The following ACTA2 variants were observed in gnomAD, a reference collection of about 807,000 sequenced individuals.
ACTA2 encodes the protein actin alpha 2, smooth muscle, also known as actin, aortic smooth muscle.
In ACTA2, 12 loss-of-function variants were observed where a neutral mutation model predicts 39.5. That is an observed-to-expected ratio of 0.30 (90% CI 0.19 to 0.49). The LOEUF is 0.49. Ranked by LOEUF, ACTA2 falls within the 20% of genes least tolerant of loss-of-function variation. The probability of loss-of-function intolerance (pLI) is 0.99; values close to 1 mark genes in which losing one functional copy is unlikely to be tolerated. For missense variants in ACTA2, 236 were observed against 498.8 expected (o/e 0.47, Z 5.02); for synonymous variants, 158 against 180.6 (o/e 0.88, Z 1.00).
intron 8 of ACTA2, 59 bp downstream of exon 8, chr10:88,938,002 G>A: frequency 6.3e-7 from 1 of 1,593,984 alleles, no homozygotes; most frequent in South Asian, 1.1e-5. Flanking sequence ...GTTCTTATCT[G>A]TGGTTATAGG....
At chr10:88,968,278 T>C (rs1043493511) in intron 1 of ACTA2, among the ~76,000 whole-genome samples, 9 of 152,346 alleles carry the variant, frequency 5.9e-5, no homozygotes, top group Admixed American at 2.6e-4. Context: ...GTCCTATCTA[T>C]GCATTTAATG....
chr10:88,968,665 G>A (rs1337292969), intron 1 of ACTA2, among the ~76,000 whole-genome samples: 1 of 152,146 alleles, frequency 6.6e-6, no homozygotes, highest in Admixed American at 6.6e-5. Flanking sequence ...GACTTTATAA[G>A]GGAAGGCAGC....
At chr10:88,970,604 A>T (rs1219597983) in intron 1 of ACTA2, among the ~76,000 whole-genome samples, 1 of 152,218 alleles carries the variant, frequency 6.6e-6, no homozygotes, top group Non-Finnish European at 1.5e-5. Flanking sequence ...CAGTTGGCAC[A>T]GCATTAGAAT....
chr10:88,988,947 C>G (rs570478084), intron 1 of ACTA2, among the ~76,000 whole-genome samples: 1 of 152,292 alleles, frequency 6.6e-6, no homozygotes, highest in East Asian at 1.9e-4. Flanking sequence ...TTCCTATCTC[C>G]TTGAACTTGA....
chr10:88,956,453 T>C (rs1846140349), upstream of ACTA2, among the ~76,000 whole-genome samples: 3 of 152,204 alleles, frequency 2.0e-5, no homozygotes, highest in Non-Finnish European at 4.4e-5. Flanking sequence ...CGTGAATATA[T>C]TGGGCTCTAA....
chr10:88,939,527 AG>A lies in ACTA2; in HGVS notation c.787del (p.Leu263CysfsTer23). On this transcript the variant is annotated frameshift_variant, in exon 7 of 9. Coordinates refer to ENST00000224784, the MANE Select transcript of ACTA2 (RefSeq NM_001613.4). LOFTEE classifies it high-confidence loss of function. Reference sequence around the variant, plus strand: ...CCTACCGATGAAGGATGGCTGGAACAGGGTCTCTGGGCAGCGGAAACGTTCA... The same window carrying A: ...CCTACCGATGAAGGATGGCTGGAACAGGTCTCTGGGCAGCGGAAACGTTCA... The part of the protein sequence containing the change: ...GNERFRCPET[L>X]FQPSFIGMES... 1 of 1,613,646 alleles carries A rather than the reference AG, an allele frequency of 6.2e-7. No homozygotes were observed. The highest frequency in any genetic ancestry group is 8.5e-7 in the Non-Finnish European group (1 of 1,179,964).
rs1847139712 is a variant in ACTA2 at position 88,990,915 on chromosome 10, T to G, written c.-24+24A>C. ...GGACCCTCCTACCTCTGGTGAGCCCTCTCCTGCCCGGGTGGAGGCTTACCC... is the reference window on the plus strand; with the variant it reads ...GGACCCTCCTACCTCTGGTGAGCCCGCTCCTGCCCGGGTGGAGGCTTACCC... On this transcript the variant is annotated intron_variant, in intron 1 of 4. Coordinates refer to the ACTA2 transcript ENST00000415557. The surrounding 1 kb of genome is among the most constrained non-coding windows in gnomAD (Gnocchi z 4.9). The G allele has an allele frequency of 6.2e-7, 1 of 1,614,028 alleles. No homozygotes were observed. The highest frequency in any genetic ancestry group is 1.3e-5 in the African/African-American group (1 of 74,942).
At chr10:88,959,915 A>G (rs934017385) in intron 1 of ACTA2, among the ~76,000 whole-genome samples, 1 of 151,986 alleles carries the variant, frequency 6.6e-6, no homozygotes, top group African/African-American at 2.4e-5. Flanking sequence ...TTTTCTCATG[A>G]TTAGACTGAA....
intron 8 of ACTA2, 89 bp from the exon 9 acceptor site, chr10:88,935,455 T>C: frequency 2.7e-6 from 4 of 1,463,656 alleles, no homozygotes; most frequent in South Asian, 1.1e-5. Context: ...TGTTCTACCA[T>C]GGCCTAGTTT....
At chr10:88,969,984 A>G (rs1328645049) in intron 1 of ACTA2, among the ~76,000 whole-genome samples, 2 of 152,160 alleles carry the variant, frequency 1.3e-5, no homozygotes, top group Non-Finnish European at 2.9e-5. Flanking sequence ...TAAAATAAAC[A>G]CTTTTTGGAA....
rs1564643464 is a variant in ACTA2, at chr10:88,939,512, A to G, written c.803T>C (p.Phe268Ser). Reference protein sequence around the residue: ...RCPETLFQPSFIGMESAGIHE... With the variant: ...RCPETLFQPSSIGMESAGIHE... ...AAAGGGCGTTTGTTGCCTACCGATG[A>G]AGGATGGCTGGAACAGGGTCTCTGG... is the stretch of plus-strand genomic sequence containing the variant. Residue 268 changes from phenylalanine (F) to serine (S), a missense_variant, in exon 7 of 9, where the codon TTC becomes TCC. Phe to Ser is a radical substitution (Grantham distance 155). Coordinates refer to ENST00000224784, the MANE Select transcript of ACTA2 (RefSeq NM_001613.4). 1 of 1,613,188 alleles carries G rather than the reference A, an allele frequency of 6.2e-7. No individual in the cohort carries two copies. Among genetic ancestry groups the G allele is most frequent in the East Asian group, 2.2e-5 (1 of 44,866 alleles).
chr10:88,953,783 G>C (rs1793934541), upstream of ACTA2, among the ~76,000 whole-genome samples: 1 of 152,108 alleles, frequency 6.6e-6, no homozygotes, highest in Non-Finnish European at 1.5e-5. Flanking sequence ...GATATCTGAT[G>C]GTTTTATAAG....
intron 1 of ACTA2, among the ~76,000 whole-genome samples, chr10:88,976,676 G>A (rs1021294495): frequency 7.9e-5 from 12 of 152,150 alleles, no homozygotes; most frequent in African/African-American, 2.7e-4. Flanking sequence ...ACCAACTATT[G>A]AGACAGATGA....
chr10:88,962,323 C>T (rs1325368208), intron 1 of ACTA2, among the ~76,000 whole-genome samples: 1 of 152,160 alleles, frequency 6.6e-6, no homozygotes, highest in African/African-American at 2.4e-5. Flanking sequence ...GATCTACAAA[C>T]AATAACCAAT....
intron 1 of ACTA2, chr10:88,973,520 T>G: frequency 2.0e-6 from 1 of 488,552 alleles, no homozygotes. Context: ...CCAGGTACCC[T>G]GTCACCTTGG....
Position 88,947,238 on chromosome 10 carries a change from C to T in ACTA2, c.258+20G>A, listed in dbSNP as rs762538027. The T allele has an allele frequency of 6.2e-7, 1 of 1,613,748 alleles. No individual in the cohort carries two copies. Among genetic ancestry groups the T allele is most frequent in the Non-Finnish European group, 8.5e-7 (1 of 1,179,768 alleles). On this transcript the variant is annotated intron_variant, in intron 3 of 8. Coordinates refer to ENST00000224784, the MANE Select transcript of ACTA2 (RefSeq NM_001613.4). ...GGATTATGCATCCTGAGGGCCCAAGCTGCAGCAAACCTCCCATACCTTTTC... is the reference window on the plus strand; with the variant it reads ...GGATTATGCATCCTGAGGGCCCAAGTTGCAGCAAACCTCCCATACCTTTTC...
chr10:88,983,431 G>A (rs545961197), intron 1 of ACTA2, among the ~76,000 whole-genome samples: 38 of 152,084 alleles, frequency 2.5e-4, no homozygotes, highest in African/African-American at 8.0e-4. Flanking sequence ...TGATGATAAG[G>A]CCACTGAGGT....
intron 1 of ACTA2, among the ~76,000 whole-genome samples, chr10:88,960,181 G>A (rs575311650): frequency 3.3e-5 from 5 of 152,242 alleles, no homozygotes; most frequent in South Asian, 4.1e-4. Flanking sequence ...TGAGGACAGA[G>A]TATTTATATA....
chr10:88,981,331 A>G (rs559232751), intron 1 of ACTA2, among the ~76,000 whole-genome samples: 38 of 152,242 alleles, frequency 2.5e-4, no homozygotes, highest in Admixed American at 1.0e-3. Flanking sequence ...GTGCAGTTAA[A>G]CCCTTGATAA....
Sources: gnomAD v4.1 joint callset for allele counts (sites outside exome capture counted in the v4.1 genomes callset) on GRCh38, gnomAD v4.1.1 for gene constraint, Gnocchi (gnomAD v3.1) non-coding constraint, MANE v1.5 for transcripts, NCBI Gene and HGNC (gene_info 2026-07-23, HGNC 2026-07-21) for gene names.